SELENON: variants seen among roughly 807,000 people sequenced by gnomAD.
SELENON encodes selenoprotein N, 1.
In SELENON, 44 loss-of-function variants were observed where a neutral mutation model predicts 59.5. That is an observed-to-expected ratio of 0.74 (90% CI 0.58 to 0.95). SELENON has a LOEUF of 0.95. Among genes scored for constraint, SELENON ranks in the 40% least tolerant of loss-of-function variants. The pLI is 0.00. For synonymous variants in SELENON, 320 were observed against 305.6 expected (o/e 1.05, Z -0.49); for missense variants, 674 against 721.4 (o/e 0.93, Z 0.75).
chr1:25,801,228 C>T (rs999341197), intron 2 of SELENON, 68 bp downstream of exon 2: 8 of 1,252,072 alleles, frequency 6.4e-6, no homozygotes, highest in South Asian at 2.4e-5. Flanking sequence ...TGAGCAGGAG[C>T]GGCCGTCTGG....
In SELENON at chr1:25,815,577, G is replaced by C. The variant is rs891295051; in HGVS notation, c.1632G>C (p.Leu544Phe). 2 of 1,613,996 alleles carry C rather than the reference G, an allele frequency of 1.2e-6. No homozygotes were observed. Among genetic ancestry groups the C allele is most frequent in the African/African-American group, 1.3e-5 (1 of 74,912 alleles). The change falls in exon 13 of 13, where the codon TTG (leucine) becomes TTC (phenylalanine). Residue 544 changes from leucine to phenylalanine, a missense_variant. Transcript: ENST00000361547. ...ATCACATCAATGCCAACTACTTCTT[G>C]GACATCACCTCCGTGAAGCCCGAGG...
Position 25,815,644 on chromosome 1 carries a change from G to C in SELENON, c.1699G>C (p.Asp567His), listed in dbSNP as rs1346120849. Residue 567 changes from aspartate (D) to histidine (H), a missense_variant, in exon 13 of 13, where the codon GAC becomes CAC. Asp to His is a moderately conservative substitution (Grantham distance 81, BLOSUM62 -1). Coordinates refer to ENST00000361547, the MANE Select transcript of SELENON (RefSeq NM_020451.3). The stretch of plus-strand genomic sequence containing the variant: ...CTTCAGCTTCTCATCCACCTTTGAA[G>C]ACCCGTCCACGGCCACCTACATGCA... 1 of 1,614,184 alleles carries C rather than the reference G, an allele frequency of 6.2e-7. No homozygotes were observed.
At position 25,811,669 on chromosome 1, in the gene SELENON, C is replaced by G. The variant is rs767110431; in HGVS notation, c.1093-22C>G. 3.7e-6 allele frequency: 6 copies of G among 1,611,802 alleles called. No individual in the cohort carries two copies. In the African/African-American group the frequency reaches 4.0e-5, roughly 11 times the overall value. On this transcript the variant is annotated intron_variant, in intron 8 of 12. Coordinates refer to ENST00000361547, the MANE Select transcript of SELENON (RefSeq NM_020451.3). The stretch of plus-strand genomic sequence containing the variant: ...TCTTGCCCATCTCTGAGCCTTCCCC[C>G]TACCACTGACCTCTGGCCCAGATGG...
chr1:25,804,987 A>C (rs1440474830), intron 3 of SELENON, among the ~76,000 whole-genome samples, 155 bp from the exon 3 acceptor site: 2 of 152,104 alleles, frequency 1.3e-5, no homozygotes, highest in African/African-American at 4.8e-5. Flanking sequence ...TGAAACTAAA[A>C]TGCGATACAC....
chr1:25,811,911 A>G (rs763532602), intron 9 of SELENON, 32 bp downstream of exon 8: 1 of 1,547,386 alleles, frequency 6.5e-7, no homozygotes, highest in South Asian at 1.2e-5. Context: ...GGCCAGGGTC[A>G]GGCTGCATGG....
intron 9 of SELENON, 23 bp from the exon 9 acceptor site, chr1:25,812,664 G>A (rs370775832): frequency 1.1e-5 from 17 of 1,590,336 alleles, no homozygotes; most frequent in Non-Finnish European, 1.4e-5. Context: ...TGATGGCTTC[G>A]CTCTGTCTCG....
chr1:25,812,681 C>A lies in SELENON; in HGVS notation c.1282-6C>A. On this transcript the variant is annotated splice_region_variant and splice_polypyrimidine_tract_variant and intron_variant, in intron 9 of 12. Transcript: ENST00000361547. ...ATGGCTTCGCTCTGTCTCGGTGTGG[C>A]CCCAGGTCTCCTACTTGCCGTTCAC... The A allele has an allele frequency of 6.2e-7, 1 of 1,607,202 alleles. No homozygotes were observed. The highest frequency in any genetic ancestry group is 8.5e-7 in the Non-Finnish European group (1 of 1,177,788).
At chr1:25,805,298 T>C (rs1194604862) in intron 4 of SELENON, 23 bp downstream of exon 3, 3 of 1,613,578 alleles carry the variant, frequency 1.9e-6, no homozygotes, top group Admixed American at 1.7e-5. Flanking sequence ...CCACAGGCAG[T>C]GGGGTCATCT....
intron 4 of SELENON, 88 bp downstream of exon 3, chr1:25,805,363 C>G: frequency 1.3e-6 from 2 of 1,582,054 alleles, no homozygotes; most frequent in South Asian, 1.1e-5. Context: ...CCTCTGCCCT[C>G]TGTGTGCCCA....
intron 3 of SELENON, among the ~76,000 whole-genome samples, chr1:25,804,292 T>C (rs955647111): frequency 5.3e-5 from 8 of 152,104 alleles, no homozygotes; most frequent in Admixed American, 4.6e-4. Context: ...TTTAAAGGCA[T>C]CCTGGGTGAT....
In SELENON at chr1:25,815,619, C is replaced by G. The variant is rs1413384318; in HGVS notation, c.1674C>G (p.Leu558=). The G allele has an allele frequency of 1.2e-6, 2 of 1,614,212 alleles. No individual in the cohort carries two copies. The highest frequency in any genetic ancestry group is 1.7e-5 in the Admixed American group (1 of 60,028). Residue 558 remains leucine (L), a synonymous_variant, in exon 13 of 13, where the codon CTC becomes CTG. Transcript: ENST00000361547. The stretch of plus-strand genomic sequence containing the variant: ...AGCCCGAGGAAATCGAGAGCAATCT[C>G]TTCAGCTTCTCATCCACCTTTGAAG...
chr1:25,815,117 T>C (rs995948019), intron 12 of SELENON, among the ~76,000 whole-genome samples: 1 of 152,138 alleles, frequency 6.6e-6, no homozygotes, highest in Non-Finnish European at 1.5e-5. Flanking sequence ...GGCACAAAGA[T>C]AAAGACACAG....
At chr1:25,809,591 A>G in intron 6 of SELENON, 92 bp from the exon 6 acceptor site, 1 of 1,577,956 alleles carries the variant, frequency 6.3e-7, no homozygotes, top group Non-Finnish European at 8.6e-7. Flanking sequence ...CCCCACACTC[A>G]GCCTCCTCTC....
intron 12 of SELENON, among the ~76,000 whole-genome samples, chr1:25,814,521 T>C (rs2047994651): frequency 6.6e-6 from 1 of 152,086 alleles, no homozygotes; most frequent in South Asian, 2.1e-4. Flanking sequence ...AGCCAGGCCT[T>C]GTGACAGAGA....
chr1:25,812,521 A>T (rs2047971759), intron 9 of SELENON, among the ~76,000 whole-genome samples, 166 bp from the exon 9 acceptor site: 1 of 150,742 alleles, frequency 6.6e-6, no homozygotes, highest in Non-Finnish European at 1.5e-5. Context: ...ATACAAATGT[A>T]CATATACACA....
intron 10 of SELENON, among the ~76,000 whole-genome samples, chr1:25,813,162 T>C (rs571205668): frequency 6.6e-6 from 1 of 152,152 alleles, no homozygotes; most frequent in South Asian, 2.1e-4. Flanking sequence ...GTTATATACG[T>C]GTAAGAGAAA....
Position 25,809,140 on chromosome 1 carries a change from G to A in SELENON, c.862G>A (p.Val288Met), listed in dbSNP as rs1413222473. Residue 288 changes from valine (V) to methionine (M), a missense_variant, in exon 6 of 13, where the codon GTG becomes ATG. Transcript: ENST00000361547. ...TGCCATCAGCGACTTCTACTACACTGTGATGTTCCGGTGAGTGGGCCACAC... is the reference window on the plus strand; with the variant it reads ...TGCCATCAGCGACTTCTACTACACTATGATGTTCCGGTGAGTGGGCCACAC... 6.2e-7 allele frequency: 1 copy of A among 1,613,628 alleles called. No homozygotes were observed. Among genetic ancestry groups the A allele is most frequent in the African/African-American group, 1.3e-5 (1 of 74,950 alleles).
At chr1:25,803,195 A>T (rs1038692657) in intron 3 of SELENON, among the ~76,000 whole-genome samples, 2 of 152,192 alleles carry the variant, frequency 1.3e-5, no homozygotes, top group African/African-American at 4.8e-5. Context: ...GCATTTGCAC[A>T]GCTACCTCTT....
chr1:25,815,315 T>C (rs1490311096), intron 12 of SELENON, among the ~76,000 whole-genome samples: 2 of 151,972 alleles, frequency 1.3e-5, no homozygotes, highest in Non-Finnish European at 2.9e-5. Context: ...TTGGAAGGTG[T>C]TGGGTTTTCA....
Sources: gnomAD v4.1 joint callset for allele counts (sites outside exome capture counted in the v4.1 genomes callset) on GRCh38, gnomAD v4.1.1 for gene constraint, MANE v1.5 for transcripts, NCBI Gene and HGNC (gene_info 2026-07-23, HGNC 2026-07-21) for gene names.